KCNMB2: variants seen among roughly 807,000 people sequenced by gnomAD.
KCNMB2 encodes the protein calcium-activated potassium channel subunit beta-2.
Under a neutral mutation model 24.5 loss-of-function variants are expected in KCNMB2, and 9 were observed. That is an observed-to-expected ratio of 0.37 (90% confidence interval 0.22 to 0.64). The LOEUF (loss-of-function observed/expected upper bound fraction) is 0.64, where lower values mean the gene tolerates loss of function less well. Ranked by LOEUF, KCNMB2 falls within the 30% of genes least tolerant of loss-of-function variation. The pLI, the probability that KCNMB2 is intolerant of heterozygous loss-of-function variation, is 0.63. For synonymous variants in KCNMB2, 109 were observed against 104.4 expected (o/e 1.04, Z -0.27); for missense variants, 226 against 284.3 (o/e 0.79, Z 1.47).
intron 1 of KCNMB2, among the ~76,000 whole-genome samples, chr3:178,730,860 C>T (rs562221403): frequency 1.3e-5 from 2 of 152,220 alleles, no homozygotes; most frequent in East Asian, 3.9e-4. Flanking sequence ...TATCAATGCA[C>T]CATCTGCAGG....
Position 178,726,464 on chromosome 3 carries a change from G to A in KCNMB2, c.-67-80879G>A, listed in dbSNP as rs755069111. The stretch of plus-strand genomic sequence containing the variant: ...TTACTGATTCTTTTAGAGTAGGTCT[G>A]ATGGCAACAAATTCTTTCAGTTTTC... On this transcript the variant is annotated intron_variant, in intron 1 of 4. Coordinates refer to ENST00000452583, the MANE Select transcript of KCNMB2 (RefSeq NM_181361.3). Among the ~76,000 whole-genome samples the A allele has an allele frequency of 3.3e-5, 5 of 151,932 alleles. No individual in the cohort carries two copies. The East Asian group carries it at 9.6e-4, about 29-fold the overall frequency.
chr3:178,805,993 T>C (rs1034044224), intron 1 of KCNMB2, among the ~76,000 whole-genome samples: 1 of 152,032 alleles, frequency 6.6e-6, no homozygotes, highest in Non-Finnish European at 1.5e-5. Flanking sequence ...GCCAGGCACA[T>C]TGGCACGCAC....
chr3:178,821,881 C>T (rs557040163), intron 2 of KCNMB2, among the ~76,000 whole-genome samples: 1 of 152,280 alleles, frequency 6.6e-6, no homozygotes, highest in South Asian at 2.1e-4. Context: ...TTTATACATC[C>T]TACCTTGATC....
In KCNMB2 at chr3:178,825,777, T is replaced by G. The variant is rs1474211926; in HGVS notation, c.227+19T>G. 1.9e-5 allele frequency: 30 copies of G among 1,584,812 alleles called. No homozygotes were observed. Among genetic ancestry groups the G allele is most frequent in the Non-Finnish European group, 2.3e-5 (27 of 1,157,276 alleles). ...TGCAGAGGTAATACCACTGGGTGGG[T>G]GGGACCCTGCTGTTTGTCTCCTGCT... On this transcript the variant is annotated intron_variant, in intron 3 of 4. Transcript: ENST00000452583.
chr3:178,639,043 GT>G (rs1241300264), intron 1 of KCNMB2, among the ~76,000 whole-genome samples: 1 of 152,012 alleles, frequency 6.6e-6, no homozygotes, highest in East Asian at 1.9e-4. Flanking sequence ...TGTTTTATCG[GT>G]TTTAGCTGTA....
intron 1 of KCNMB2, among the ~76,000 whole-genome samples, chr3:178,663,598 A>G (rs974704358): frequency 6.6e-5 from 10 of 152,146 alleles, no homozygotes; most frequent in African/African-American, 2.4e-4. Flanking sequence ...TTGAAGACAG[A>G]TTATGTTTTC....
At position 178,825,004 on chromosome 3, in the gene KCNMB2, G is replaced by A. The variant is rs189285971; in HGVS notation, c.57-584G>A. Among the ~76,000 whole-genome samples the A allele has an allele frequency of 1.8e-4, 28 of 152,254 alleles. No homozygotes were observed. In the East Asian group the frequency reaches 4.6e-3, roughly 25 times the overall value. ...AAAGTTTTCACATATAAGAATAGCT[G>A]GGTCACCACTCTACATCTTCACACT... On this transcript the variant is annotated intron_variant, in intron 2 of 4. Coordinates refer to ENST00000452583, the MANE Select transcript of KCNMB2 (RefSeq NM_181361.3).
At chr3:178,713,762 G>C (rs1722529054) in intron 1 of KCNMB2, among the ~76,000 whole-genome samples, 1 of 152,092 alleles carries the variant, frequency 6.6e-6, no homozygotes, top group Non-Finnish European at 1.5e-5. Context: ...ACCTTCACAT[G>C]GTCTATCTTT....
At chr3:178,667,601 A>C (rs1720764095) in intron 1 of KCNMB2, among the ~76,000 whole-genome samples, 1 of 152,140 alleles carries the variant, frequency 6.6e-6, no homozygotes, top group Non-Finnish European at 1.5e-5. Context: ...ACACCATATG[A>C]GGACACAGTG....
chr3:178,550,028 G>A (rs1406575750), intron 1 of KCNMB2, among the ~76,000 whole-genome samples: 1 of 151,978 alleles, frequency 6.6e-6, no homozygotes, highest in Non-Finnish European at 1.5e-5. Context: ...ACCTTGATAA[G>A]GTCAGTGTTA....
chr3:178,547,601 TCTTTA>T (rs1008493185), intron 1 of KCNMB2, among the ~76,000 whole-genome samples: 14 of 152,198 alleles, frequency 9.2e-5, no homozygotes, highest in African/African-American at 3.1e-4. Flanking sequence ...TGAAATCCTC[TCTTTA>T]CTTGACTTGA....
intron 1 of KCNMB2, among the ~76,000 whole-genome samples, chr3:178,562,206 T>C (rs1166743345): frequency 3.3e-5 from 5 of 152,240 alleles, no homozygotes; most frequent in East Asian, 1.9e-4. Flanking sequence ...TCTAACACAA[T>C]TGATTTTATT....
At chr3:178,596,853 A>T (rs1717894533) in intron 1 of KCNMB2, among the ~76,000 whole-genome samples, 2 of 152,178 alleles carry the variant, frequency 1.3e-5, no homozygotes. Flanking sequence ...TCTCTCAAAC[A>T]GGACCCATAA....
chr3:178,781,999 T>C (rs866924640), intron 1 of KCNMB2, among the ~76,000 whole-genome samples: 54 of 122,760 alleles, frequency 4.4e-4, no homozygotes, highest in Middle Eastern at 3.7e-3. Flanking sequence ...GTCCATGTGA[T>C]CTCATTGTTC....
chr3:178,707,979 T>TTCC (rs1338594033), intron 1 of KCNMB2, among the ~76,000 whole-genome samples: 2 of 152,152 alleles, frequency 1.3e-5, no homozygotes, highest in Admixed American at 6.6e-5. Context: ...TATTAAATCC[T>TTCC]TCCCTTTGTG....
chr3:178,577,209 G>A (rs750851276), intron 1 of KCNMB2, among the ~76,000 whole-genome samples: 17 of 152,152 alleles, frequency 1.1e-4, no homozygotes, highest in Admixed American at 2.0e-4. Context: ...CTCCGCTTGC[G>A]TCCACTCCAG....
Position 178,671,844 on chromosome 3 carries a change from T to C in KCNMB2, c.-68+135133T>C, listed in dbSNP as rs183934863. 8.5e-5 allele frequency among the ~76,000 whole-genome samples: 13 copies of C among 152,300 alleles called. No individual in the cohort carries two copies. In the East Asian group the frequency reaches 2.5e-3, roughly 29 times the overall value. On this transcript the variant is annotated intron_variant, in intron 1 of 4. Transcript: ENST00000452583. ...GCTTAATCAACATGTAATACAATAATGTAATCATTGACAACATAGAGGCTG... is the reference window on the plus strand; with the variant it reads ...GCTTAATCAACATGTAATACAATAACGTAATCATTGACAACATAGAGGCTG...
intron 1 of KCNMB2, among the ~76,000 whole-genome samples, chr3:178,547,281 T>C (rs1286421082): frequency 6.6e-6 from 1 of 152,200 alleles, no homozygotes; most frequent in African/African-American, 2.4e-5. Context: ...ATCTCTGTTC[T>C]GTATAAATTA....
At chr3:178,580,591 G>T (rs760002331) in intron 1 of KCNMB2, among the ~76,000 whole-genome samples, 6 of 151,910 alleles carry the variant, frequency 3.9e-5, no homozygotes, top group Admixed American at 6.6e-5. Flanking sequence ...CTGTTTGAAG[G>T]TGACATGATT....
Sources: gnomAD v4.1 joint callset for allele counts (sites outside exome capture counted in the v4.1 genomes callset) on GRCh38, gnomAD v4.1.1 for gene constraint, MANE v1.5 for transcripts, NCBI Gene and HGNC (gene_info 2026-07-23, HGNC 2026-07-21) for gene names.